Variants in SCOC observed in about 807,000 individuals in gnomAD.
SCOC encodes the protein short coiled coil protein.
SCOC carries 7 observed loss-of-function variants against 9.9 expected under a neutral mutation model. The ratio of observed to expected loss-of-function variants is 0.71; its 90% confidence interval spans 0.40 to 1.33. SCOC has a LOEUF of 1.33. Ranked by LOEUF, SCOC falls within the 40% of genes most tolerant of loss-of-function variation. The pLI, the probability that SCOC is intolerant of heterozygous loss-of-function variation, is 0.01. For synonymous variants in SCOC, 19 were observed against 28.2 expected (o/e 0.67, Z 1.03); for missense variants, 66 against 89.7 (o/e 0.74, Z 1.07).
intron 1 of SCOC, among the ~76,000 whole-genome samples, chr4:140,321,487 A>C (rs372876688): frequency 6.6e-6 from 1 of 152,226 alleles, no homozygotes; most frequent in South Asian, 2.1e-4. Context: ...GAGAGATAGA[A>C]ACAACAAGAA....
chr4:140,333,439 T>A (rs566929620), intron 1 of SCOC, among the ~76,000 whole-genome samples: 45 of 152,210 alleles, frequency 3.0e-4, no homozygotes, highest in Non-Finnish European at 5.6e-4. Context: ...ATCTGTTTAA[T>A]CATTGTCTGC....
At chr4:140,332,300 T>C (rs959668408) in intron 1 of SCOC, among the ~76,000 whole-genome samples, 3 of 150,968 alleles carry the variant, frequency 2.0e-5, no homozygotes, top group Non-Finnish European at 4.4e-5. Flanking sequence ...ATAGTCTTTC[T>C]CACCTAAGCT....
At chr4:140,352,346 G>C (rs1727018155) in intron 2 of SCOC, among the ~76,000 whole-genome samples, 1 of 152,168 alleles carries the variant, frequency 6.6e-6, no homozygotes. Flanking sequence ...TATAAGTATG[G>C]ATAATGCCAT....
At chr4:140,295,794 G>A (rs973106208) in intron 1 of SCOC, among the ~76,000 whole-genome samples, 4 of 152,054 alleles carry the variant, frequency 2.6e-5, no homozygotes, top group African/African-American at 7.2e-5. Context: ...AGCCGGGCGC[G>A]GTGGCGGGCG....
upstream of SCOC, among the ~76,000 whole-genome samples, chr4:140,343,143 TATC>T (rs1726567959): frequency 6.6e-6 from 1 of 152,198 alleles, no homozygotes; most frequent in Non-Finnish European, 1.5e-5. Context: ...ACAACAGACT[TATC>T]CTCATATTAC....
intron 1 of SCOC, among the ~76,000 whole-genome samples, chr4:140,268,060 G>GTCC (rs1392971238): frequency 6.6e-6 from 1 of 152,196 alleles, no homozygotes; most frequent in African/African-American, 2.4e-5. Flanking sequence ...AACGACATAA[G>GTCC]CTGTTATCTT....
intron 1 of SCOC, among the ~76,000 whole-genome samples, chr4:140,290,719 G>A (rs13151064): frequency 0.079 from 12,048 of 152,172 alleles, 752 homozygotes; most frequent in East Asian, 0.28. Flanking sequence ...AGGCTGAGGC[G>A]GGAGAATCAC....
intron 2 of SCOC, among the ~76,000 whole-genome samples, chr4:140,361,686 G>A (rs1012526224): frequency 3.9e-5 from 6 of 152,060 alleles, no homozygotes; most frequent in East Asian, 3.9e-4. Context: ...GTATTTTAAC[G>A]TAAAACTCTT....
chr4:140,262,080 A>T (rs1730644302), intron 1 of SCOC, among the ~76,000 whole-genome samples: 1 of 152,228 alleles, frequency 6.6e-6, no homozygotes, highest in South Asian at 2.1e-4. Context: ...CCATTTCCTG[A>T]TGTAACTCAG....
At chr4:140,321,716 T>C (rs773776987) in intron 1 of SCOC, among the ~76,000 whole-genome samples, 3 of 152,086 alleles carry the variant, frequency 2.0e-5, no homozygotes, top group Non-Finnish European at 4.4e-5. Flanking sequence ...CAGTCTAACA[T>C]ATACATAATT....
In SCOC at chr4:140,300,022, C is replaced by T. The variant is rs556222064; in HGVS notation, c.-19+42612C>T. ...ATAGGCCCAGCTTTGAGGTAATACACATTGTTCCTTCTCATTTTCAGTGGC... is the reference window on the plus strand; with the variant it reads ...ATAGGCCCAGCTTTGAGGTAATACATATTGTTCCTTCTCATTTTCAGTGGC... On this transcript the variant is annotated intron_variant, in intron 1 of 4. Coordinates refer to the SCOC transcript ENST00000394205. Among the ~76,000 whole-genome samples the T allele has an allele frequency of 2.4e-4, 37 of 152,258 alleles. 2 individuals are homozygous for T. In the South Asian group the frequency reaches 6.2e-3, roughly 26 times the overall value.
At chr4:140,363,619 A>G (rs1727665439) in intron 2 of SCOC, among the ~76,000 whole-genome samples, 1 of 152,226 alleles carries the variant, frequency 6.6e-6, no homozygotes, top group Non-Finnish European at 1.5e-5. Context: ...ATGCTGTATT[A>G]AACCATAAGT....
intron 2 of SCOC, among the ~76,000 whole-genome samples, chr4:140,347,649 T>A (rs1726795548): frequency 6.6e-6 from 1 of 152,096 alleles, no homozygotes; most frequent in Non-Finnish European, 1.5e-5. Flanking sequence ...CGTTGCTATA[T>A]CCCAGCGACT....
At chr4:140,370,452 T>C (rs1388056763), upstream of SCOC, among the ~76,000 whole-genome samples, 2 of 152,216 alleles carry the variant, frequency 1.3e-5, no homozygotes, top group Non-Finnish European at 2.9e-5. Flanking sequence ...ATCACCTTCG[T>C]AACTTTCAAA....
chr4:140,348,943 C>T (rs1451118824), intron 2 of SCOC, among the ~76,000 whole-genome samples: 4 of 152,250 alleles, frequency 2.6e-5, no homozygotes, highest in South Asian at 4.2e-4. Flanking sequence ...TTTTAATTTG[C>T]ATTTCTCTGA....
intron 1 of SCOC, among the ~76,000 whole-genome samples, chr4:140,300,827 T>A (rs1277355747): frequency 6.6e-6 from 1 of 152,236 alleles, no homozygotes; most frequent in Non-Finnish European, 1.5e-5. Flanking sequence ...TGAAATATTA[T>A]TTCCTGCCTT....
chr4:140,320,155 A>C (rs531697154), intron 1 of SCOC, among the ~76,000 whole-genome samples: 1 of 152,328 alleles, frequency 6.6e-6, no homozygotes, highest in Non-Finnish European at 1.5e-5. Context: ...ATTGCAGTAA[A>C]GAAGCCGGCT....
At chr4:140,311,174 T>G (rs534568846) in intron 1 of SCOC, among the ~76,000 whole-genome samples, 135 of 152,318 alleles carry the variant, frequency 8.9e-4, no homozygotes, top group African/African-American at 3.2e-3. Flanking sequence ...AGCTCAAGGC[T>G]GCAGTGAGCT....
intron 1 of SCOC, among the ~76,000 whole-genome samples, chr4:140,323,246 C>T (rs1732551648): frequency 6.6e-6 from 1 of 152,184 alleles, no homozygotes; most frequent in Admixed American, 6.5e-5. Context: ...TTTCCTCCTC[C>T]CTCTCTTTTT....
Sources: gnomAD v4.1 joint callset for allele counts (sites outside exome capture counted in the v4.1 genomes callset) on GRCh38, gnomAD v4.1.1 for gene constraint, MANE v1.5 for transcripts, NCBI Gene and HGNC (gene_info 2026-07-23, HGNC 2026-07-21) for gene names.